Variants in BLM observed in about 807,000 individuals in gnomAD.
BLM encodes the protein recQ-like DNA helicase BLM.
In BLM, 95 loss-of-function variants were observed where a neutral mutation model predicts 135.3. The ratio of observed to expected loss-of-function variants is 0.70; its 90% confidence interval spans 0.59 to 0.83. The LOEUF is 0.83. BLM is among the 40% of genes least tolerant of loss of function. The pLI, the probability that BLM is intolerant of heterozygous loss-of-function variation, is 0.00. For missense variants in BLM, 1,518 were observed against 1,663.9 expected (o/e 0.91, Z 1.53); for synonymous variants, 520 against 589.2 (o/e 0.88, Z 1.70).
intron 1 of BLM, among the ~76,000 whole-genome samples, chr15:90,722,124 T>G (rs1212725642): frequency 1.3e-5 from 2 of 151,766 alleles, no homozygotes; most frequent in South Asian, 2.1e-4. Flanking sequence ...ATCTCTTTTT[T>G]TTTGAGACAG....
chr15:90,759,795 C>T (rs564738483), intron 5 of BLM, among the ~76,000 whole-genome samples: 4 of 151,596 alleles, frequency 2.6e-5, no homozygotes, highest in African/African-American at 7.3e-5. Flanking sequence ...TTAGTAAAGA[C>T]GGGGTTTCAC....
At position 90,794,483 on chromosome 15, in the gene BLM, C is replaced by G. The variant is rs1417603092; in HGVS notation, c.3210+126C>G. On this transcript the variant is annotated intron_variant, in intron 16 of 21. Transcript: ENST00000355112. ...TTAACAGGGGAAAGACAGCTTCCTT[C>G]CAGTAGTAATTTGGAATGGAAACAT... 13 of 688,240 alleles carry G rather than the reference C, an allele frequency of 1.9e-5. 1 individual carries two copies. Among genetic ancestry groups the G allele is most frequent in the Non-Finnish European group, 3.0e-5 (13 of 431,926 alleles). 42.6% of individuals were successfully genotyped at this position (688,240 alleles called of 1,614,324 possible). A position where few individuals can be genotyped will look rare whatever the true frequency, so the allele number is the denominator to read the frequency against.
intron 15 of BLM, among the ~76,000 whole-genome samples, chr15:90,792,695 G>A (rs753516586): frequency 6.6e-6 from 1 of 152,024 alleles, no homozygotes; most frequent in Non-Finnish European, 1.5e-5. Flanking sequence ...CATTCTAAAT[G>A]CCTTACATGT....
chr15:90,789,989 T>G (rs925752967), intron 14 of BLM, among the ~76,000 whole-genome samples: 13 of 28,452 alleles, frequency 4.6e-4, no homozygotes, highest in South Asian at 1.6e-3. Flanking sequence ...TCCCTGGTGT[T>G]TTTTTTTTTT....
chr15:90,760,934 C>T lies in BLM; in HGVS notation c.1561C>T (p.Pro521Ser), dbSNP rs1451973495. The change falls in exon 7 of 22, where the codon CCA becomes TCA. Residue 521 changes from proline to serine, a missense_variant. This residue lies in a region of BLM where 724 missense variants were observed against 756.9 expected (regional missense o/e 0.96). Transcript: ENST00000355112. Reference protein sequence around the residue: ...LGKKNESSYFPGNVLTSTAVK... With the variant: ...LGKKNESSYFSGNVLTSTAVK... ...AAAAAAAAATGAAAGCTCTTATTTC[C>T]CAGGAAATGTTCTCACAAGCACTGC... 1 of 1,613,870 alleles carries T rather than the reference C, an allele frequency of 6.2e-7. No homozygotes were observed. Among genetic ancestry groups the T allele is most frequent in the Non-Finnish European group, 8.5e-7 (1 of 1,179,972 alleles).
chr15:90,813,932 GCT>G (rs1177845975), intron 21 of BLM, among the ~76,000 whole-genome samples: 19 of 152,354 alleles, frequency 1.2e-4, no homozygotes, highest in Admixed American at 2.0e-4. Context: ...TGTGTTCTGG[GCT>G]CTCTGAGTGG....
chr15:90,761,690 A>G (rs1895991835), intron 7 of BLM, among the ~76,000 whole-genome samples: 1 of 152,236 alleles, frequency 6.6e-6, no homozygotes, highest in Non-Finnish European at 1.5e-5. Context: ...AAAATGTTAA[A>G]ATATAGGGTA....
intron 1 of BLM, among the ~76,000 whole-genome samples, chr15:90,742,311 A>G (rs1252359739): frequency 6.6e-6 from 1 of 152,152 alleles, no homozygotes; most frequent in Non-Finnish European, 1.5e-5. Context: ...TTACAGAGCG[A>G]CGCTCTGTTT....
chr15:90,727,948 A>G lies in BLM; in HGVS notation c.-5+10508A>G, dbSNP rs575376489. On this transcript the variant is annotated intron_variant, in intron 1 of 21. Transcript: ENST00000355112. ...ATGCATCAAGTTATAGATGAATTTG[A>G]GGAGAATTAGCATCTCCATATCGTC... is the stretch of plus-strand genomic sequence containing the variant. Among the ~76,000 whole-genome samples, 194 of 151,980 alleles carry G rather than the reference A, an allele frequency of 1.3e-3. 2 individuals carry two copies. The highest frequency in any genetic ancestry group is 4.3e-3 in the African/African-American group (180 of 41,500).
intron 1 of BLM, among the ~76,000 whole-genome samples, chr15:90,745,502 TAGGCTCA>T (rs1464797296): frequency 6.6e-6 from 1 of 152,136 alleles, no homozygotes; most frequent in East Asian, 1.9e-4. Context: ...ATCTGCCTCC[TAGGCTCA>T]AGCAGTCCTC....
At chr15:90,774,131 G>C (rs1439905700) in intron 12 of BLM, among the ~76,000 whole-genome samples, 1 of 141,802 alleles carries the variant, frequency 7.1e-6, no homozygotes, top group East Asian at 2.1e-4. Flanking sequence ...CTGGAGTGCA[G>C]TGGTGCAATC....
At chr15:90,725,959 A>G (rs1894903458) in intron 1 of BLM, among the ~76,000 whole-genome samples, 1 of 151,942 alleles carries the variant, frequency 6.6e-6, no homozygotes, top group African/African-American at 2.4e-5. Context: ...TGGCTTTTTA[A>G]GTGGATTTAA....
intron 3 of BLM, among the ~76,000 whole-genome samples, chr15:90,750,766 A>C (rs570444253): frequency 6.6e-6 from 1 of 152,194 alleles, no homozygotes; most frequent in Non-Finnish European, 1.5e-5. Context: ...GTGCTATTTC[A>C]TTAGTTGTTC....
chr15:90,768,713 G>A (rs1369725110), intron 10 of BLM, among the ~76,000 whole-genome samples: 1 of 152,082 alleles, frequency 6.6e-6, no homozygotes, highest in Non-Finnish European at 1.5e-5. Flanking sequence ...ATTTTATATG[G>A]AGGTGTTTTT....
intron 21 of BLM, among the ~76,000 whole-genome samples, chr15:90,812,610 G>A (rs992165177): frequency 2.0e-5 from 3 of 152,050 alleles, no homozygotes; most frequent in Non-Finnish European, 4.4e-5. Flanking sequence ...ACTGTATATT[G>A]TAACAGAGTT....
At chr15:90,748,538 T>C (rs1383826881) in intron 2 of BLM, among the ~76,000 whole-genome samples, 1 of 152,204 alleles carries the variant, frequency 6.6e-6, no homozygotes, top group African/African-American at 2.4e-5. Context: ...ATTTATATTA[T>C]AAGTGATGCT....
At chr15:90,727,711 T>G (rs1207231440) in intron 1 of BLM, among the ~76,000 whole-genome samples, 1 of 152,128 alleles carries the variant, frequency 6.6e-6, no homozygotes, top group South Asian at 2.1e-4. Context: ...TAGAGAGCAT[T>G]GGAAGCCTGC....
Position 90,760,767 on chromosome 15 carries a change from C to T in BLM, c.1394C>T (p.Pro465Leu), listed in dbSNP as rs561545349. 1.2e-6 allele frequency: 2 copies of T among 1,614,030 alleles called. No homozygotes were observed. Among genetic ancestry groups the T allele is most frequent in the South Asian group, 2.2e-5 (2 of 91,082 alleles). The change falls in exon 7 of 22, where the codon CCT (proline) becomes CTT (leucine). Residue 465 changes from proline to leucine, a missense_variant. Around this residue, in one of 5 missense-constraint regions of BLM, gnomAD observed 724 missense variants for 756.9 expected, o/e 0.96. Transcript: ENST00000355112. ...CACCTTCCCTCAAATTCTGTTTCTC[C>T]TGGGGACTGTTTACTGACTACCACC... ...FSHLPSNSVSPGDCLLTTTLG... is the reference protein window; with the variant it reads ...FSHLPSNSVSLGDCLLTTTLG...
In BLM at chr15:90,782,936, C is replaced by G. The variant is rs1330037075; in HGVS notation, c.2662+8C>G. On this transcript the variant is annotated splice_region_variant and intron_variant, in intron 13 of 21. Transcript: ENST00000355112. ...TCAGAAAGCACCACCCATGTGAGTA[C>G]AGCCATGTGATTAGCTGTCTAGAAG... 6.3e-7 allele frequency: 1 copy of G among 1,587,320 alleles called. No homozygotes were observed. Among genetic ancestry groups the G allele is most frequent in the East Asian group, 2.2e-5 (1 of 44,768 alleles).
Sources: gnomAD v4.1 joint callset for allele counts (sites outside exome capture counted in the v4.1 genomes callset) on GRCh38, gnomAD v4.1.1 for gene constraint, gnomAD v4.1.1 regional missense constraint, MANE v1.5 for transcripts, NCBI Gene and HGNC (gene_info 2026-07-23, HGNC 2026-07-21) for gene names.